Variants in CYSLTR2 observed in about 807,000 individuals in gnomAD.
CYSLTR2 encodes cysteinyl leukotriene receptor 2.
For synonymous variants in CYSLTR2, 179 were observed against 160.8 expected (o/e 1.11, Z -0.86); for missense variants, 398 against 411.9 (o/e 0.97, Z 0.29).
intron 1 of CYSLTR2, among the ~76,000 whole-genome samples, chr13:48,659,479 A>G (rs1953076241): frequency 6.6e-6 from 1 of 152,236 alleles, no homozygotes; most frequent in Admixed American, 6.5e-5. Context: ...TGTTTAACAA[A>G]CTACCTTTGT....
At chr13:48,669,688 T>G (rs980762878) in intron 1 of CYSLTR2, among the ~76,000 whole-genome samples, 3 of 152,214 alleles carry the variant, frequency 2.0e-5, no homozygotes, top group Non-Finnish European at 4.4e-5. Context: ...TTGATGGGCT[T>G]TTGGGTTGGT....
chr13:48,659,991 T>C (rs1425333380), intron 1 of CYSLTR2, among the ~76,000 whole-genome samples: 1 of 152,230 alleles, frequency 6.6e-6, no homozygotes, highest in Non-Finnish European at 1.5e-5. Flanking sequence ...AATAATGTTT[T>C]TAAACAAAAT....
At chr13:48,681,723 C>T (rs1018237012) in intron 1 of CYSLTR2, among the ~76,000 whole-genome samples, 2 of 152,222 alleles carry the variant, frequency 1.3e-5, no homozygotes, top group African/African-American at 4.8e-5. Context: ...GGGCCTGCTA[C>T]ATCCCAGCAA....
At chr13:48,690,681 T>C (rs1224526361) in intron 1 of CYSLTR2, among the ~76,000 whole-genome samples, 3 of 152,218 alleles carry the variant, frequency 2.0e-5, no homozygotes, top group Non-Finnish European at 4.4e-5. Context: ...GATTTTTACA[T>C]TGATGTTCAT....
At chr13:48,665,585 C>T (rs957219083) in intron 1 of CYSLTR2, among the ~76,000 whole-genome samples, 8 of 152,040 alleles carry the variant, frequency 5.3e-5, no homozygotes, top group African/African-American at 1.9e-4. Context: ...CTTTTTACAG[C>T]TTAACCCAAA....
At chr13:48,668,856 G>A (rs192613616) in intron 1 of CYSLTR2, among the ~76,000 whole-genome samples, 1 of 152,110 alleles carries the variant, frequency 6.6e-6, no homozygotes. Flanking sequence ...GAGAACATGC[G>A]GTGTTTGGTT....
chr13:48,685,520 C>T (rs555260184), intron 1 of CYSLTR2, among the ~76,000 whole-genome samples: 1 of 152,080 alleles, frequency 6.6e-6, no homozygotes, highest in African/African-American at 2.4e-5. Context: ...TTTAAGCTAC[C>T]CTGTTTGTGA....
At position 48,706,882 on chromosome 13, in the gene CYSLTR2, C is replaced by G; in HGVS notation, c.65C>G (p.Thr22Ser). 1 of 1,614,148 alleles carries G rather than the reference C, an allele frequency of 6.2e-7. No individual in the cohort carries two copies. The highest frequency in any genetic ancestry group is 2.2e-5 in the East Asian group (1 of 44,882). ...GTATCAGAAATGGAACCAAATGGCA[C>G]CTTCAGCAATAACAACAGCAGGAAC... ...ISVSEMEPNGTFSNNNSRNCT... is the reference protein window; with the variant it reads ...ISVSEMEPNGSFSNNNSRNCT... Residue 22 changes from threonine to serine, a missense_variant, in exon 5 of 5, where the codon ACC becomes AGC. By Grantham distance (58) the Thr-to-Ser change is moderately conservative (BLOSUM62 1). Coordinates refer to ENST00000682523, the MANE Select transcript of CYSLTR2 (RefSeq NM_001308476.3).
chr13:48,673,674 G>T (rs1345853382), intron 1 of CYSLTR2, among the ~76,000 whole-genome samples: 1 of 152,030 alleles, frequency 6.6e-6, no homozygotes, highest in Non-Finnish European at 1.5e-5. Context: ...TATGATGCCA[G>T]CTGGTTATTT....
In CYSLTR2 at chr13:48,681,572, C is replaced by T. The variant is rs568023132; in HGVS notation, c.-265-9640C>T. 4.6e-5 allele frequency among the ~76,000 whole-genome samples: 7 copies of T among 152,280 alleles called. No homozygotes were observed. In the South Asian group the frequency reaches 8.3e-4, roughly 18 times the overall value. On this transcript the variant is annotated intron_variant, in intron 1 of 4. Coordinates refer to ENST00000682523, the MANE Select transcript of CYSLTR2 (RefSeq NM_001308476.3). ...ATTGCTGGGGTCTGTTTTTGGTCTA[C>T]CTGCTCCCCTCAAATCCATGGTGGA...
intron 1 of CYSLTR2, among the ~76,000 whole-genome samples, chr13:48,659,012 G>A (rs2138802454): frequency 6.6e-6 from 1 of 152,244 alleles, no homozygotes; most frequent in South Asian, 2.1e-4. Context: ...CCATTGTGCA[G>A]GTGAAAGATG....
chr13:48,697,025 G>A (rs1289202122), intron 4 of CYSLTR2, among the ~76,000 whole-genome samples: 4 of 152,208 alleles, frequency 2.6e-5, no homozygotes, highest in Non-Finnish European at 5.9e-5. Flanking sequence ...CTCTAACTGG[G>A]TGGAGCCCAC....
chr13:48,693,287 G>A (rs1243447096), intron 2 of CYSLTR2, among the ~76,000 whole-genome samples, 151 bp from the exon 3 acceptor site: 1 of 151,964 alleles, frequency 6.6e-6, no homozygotes, highest in Non-Finnish European at 1.5e-5. Context: ...ATTTTTTGAA[G>A]ACTCTGAATC....
Position 48,707,869 on chromosome 13 carries a change from G to C in CYSLTR2, c.*11G>C, listed in dbSNP as rs1457381212. 1 of 1,509,850 alleles carries C rather than the reference G, an allele frequency of 6.6e-7. No homozygotes were observed. The highest frequency in any genetic ancestry group is 8.9e-7 in the Non-Finnish European group (1 of 1,129,844). 93.5% of individuals were successfully genotyped at this position (1,509,850 alleles called of 1,614,324 possible). A position where few individuals can be genotyped will look rare whatever the true frequency, so the allele number is the denominator to read the frequency against. ...GAAACAAGAGTATAAGGAGCTCTTA[G>C]ATGAGACCTGTTCTTGTATCCTTGT... On this transcript the variant is annotated 3_prime_UTR_variant, in exon 5 of 5. Transcript: ENST00000682523.
intron 4 of CYSLTR2, among the ~76,000 whole-genome samples, chr13:48,700,244 C>G (rs1048005658): frequency 3.3e-5 from 5 of 152,106 alleles, no homozygotes; most frequent in Admixed American, 6.6e-5. Context: ...TGATGTCCTT[C>G]ATGAACATTG....
chr13:48,695,036 T>C (rs1388870621), intron 3 of CYSLTR2, among the ~76,000 whole-genome samples: 2 of 147,160 alleles, frequency 1.4e-5, no homozygotes, highest in Admixed American at 6.9e-5. Flanking sequence ...AATGGTAACA[T>C]CTTGCAAGAC....
chr13:48,657,076 T>C (rs1953016235), intron 1 of CYSLTR2, among the ~76,000 whole-genome samples: 1 of 152,234 alleles, frequency 6.6e-6, no homozygotes, highest in South Asian at 2.1e-4. Context: ...ATAAACTCCA[T>C]TGAGAATAAA....
chr13:48,683,923 TA>T (rs752079281), intron 1 of CYSLTR2, among the ~76,000 whole-genome samples: 11 of 152,144 alleles, frequency 7.2e-5, no homozygotes, highest in African/African-American at 2.7e-4. Flanking sequence ...AGTCACTTTT[TA>T]AAAAAATTAT....
rs1593929209 is a variant in CYSLTR2, at chr13:48,660,666, C to T, written c.-266+6649C>T. 3.9e-5 allele frequency among the ~76,000 whole-genome samples: 6 copies of T among 152,310 alleles called. 1 individual carries two copies. The highest frequency in any genetic ancestry group is 3.9e-4 in the Admixed American group (6 of 15,288). On this transcript the variant is annotated intron_variant, in intron 1 of 4. Coordinates refer to ENST00000682523, the MANE Select transcript of CYSLTR2 (RefSeq NM_001308476.3). ...GTGTTTCTGTTTTGATCTCCAAGAA[C>T]TTAATTCACCTTGACTTTTTGAAAA...
Sources: allele counts gnomAD v4.1 joint callset (sites outside exome capture counted in the v4.1 genomes callset), GRCh38; gene constraint gnomAD v4.1.1; transcripts MANE v1.5; gene names NCBI Gene and HGNC (gene_info 2026-07-23, HGNC 2026-07-21).